Variants in DNAAF10 observed in about 807,000 individuals in gnomAD.
The protein encoded by DNAAF10 is dynein axonemal assembly factor 10.
Under a neutral mutation model 43.7 loss-of-function variants are expected in DNAAF10, and 28 were observed. The ratio of observed to expected loss-of-function variants is 0.64; its 90% confidence interval spans 0.48 to 0.88. The LOEUF is 0.88. DNAAF10 is among the 40% of genes least tolerant of loss of function. DNAAF10 has a pLI of 0.00. For missense variants in DNAAF10, 403 were observed against 439.1 expected, an observed-to-expected ratio of 0.92 and a Z score of 0.73; for synonymous variants, 156 against 157.3, an observed-to-expected ratio of 0.99 and a Z score of 0.06.
rs184822419 is a variant in DNAAF10 at position 68,135,952 on chromosome 2, C to T, written c.769-1153G>A. On this transcript the variant is annotated intron_variant, in intron 6 of 7. Transcript: ENST00000295121. ...AAACTGGGCCAGGTATAGTGGCTCA[C>T]GCCCATAATCCCAGCACTTTGGGAG... Among the ~76,000 whole-genome samples the T allele has an allele frequency of 7.9e-5, 12 of 152,136 alleles. No individual in the cohort carries two copies. The South Asian group carries it at 1.2e-3, about 16-fold the overall frequency.
intron 1 of DNAAF10, among the ~76,000 whole-genome samples, chr2:68,149,496 A>T (rs1241390351): frequency 6.6e-6 from 1 of 152,214 alleles, no homozygotes; most frequent in Non-Finnish European, 1.5e-5. Flanking sequence ...CTGCCGCAGA[A>T]AATTAATATT....
intron 2 of DNAAF10, among the ~76,000 whole-genome samples, chr2:68,147,148 T>C (rs1392660473): frequency 6.6e-6 from 1 of 152,182 alleles, no homozygotes; most frequent in East Asian, 1.9e-4. Context: ...TTTTATATAC[T>C]GTATTTTTAA....
intron 4 of DNAAF10, among the ~76,000 whole-genome samples, chr2:68,140,344 T>G (rs947494569): frequency 6.6e-6 from 1 of 152,160 alleles, no homozygotes; most frequent in Non-Finnish European, 1.5e-5. Context: ...CCTTACCATT[T>G]TCCTTTACAA....
intron 4 of DNAAF10, 21 bp downstream of exon 4, chr2:68,141,673 A>G (rs1673182397): frequency 1.2e-6 from 2 of 1,605,456 alleles, no homozygotes; most frequent in Non-Finnish European, 1.7e-6. Flanking sequence ...ATTCAAATGC[A>G]AGAATTCTTC....
chr2:68,137,032 AAT>A (rs890423067), intron 6 of DNAAF10, among the ~76,000 whole-genome samples: 6 of 152,232 alleles, frequency 3.9e-5, no homozygotes, highest in African/African-American at 1.4e-4. Flanking sequence ...TCAAATTCCT[AAT>A]ATCAGCTAGG....
intron 2 of DNAAF10, among the ~76,000 whole-genome samples, chr2:68,146,370 G>A (rs1006626560): frequency 6.6e-6 from 1 of 152,114 alleles, no homozygotes. Flanking sequence ...TACTTGAAAT[G>A]ACTGTTTTAC....
chr2:68,131,581 T>A, intron 7 of DNAAF10, 136 bp from the exon 8 acceptor site: 1 of 823,688 alleles, frequency 1.2e-6, no homozygotes, highest in Non-Finnish European at 1.9e-6. Context: ...TTTCTAATAC[T>A]GAGTTGTTTG....
At chr2:68,138,940 A>G (rs1673111056) in intron 4 of DNAAF10, 83 bp from the exon 5 acceptor site, 2 of 918,148 alleles carry the variant, frequency 2.2e-6, no homozygotes, top group Non-Finnish European at 1.7e-6. Context: ...TGAAACTAAC[A>G]TAAAACTTAT....
intron 1 of DNAAF10, among the ~76,000 whole-genome samples, chr2:68,154,914 C>T (rs1673554235): frequency 6.6e-6 from 1 of 152,122 alleles, no homozygotes. Context: ...AGGCTCGCAT[C>T]ACTATGCCCA....
intron 5 of DNAAF10, among the ~76,000 whole-genome samples, chr2:68,138,519 C>A (rs932791176): frequency 4.6e-5 from 7 of 152,156 alleles, no homozygotes; most frequent in Admixed American, 2.0e-4. Context: ...GCTGGTGACT[C>A]CCCCAACGCT....
intron 1 of DNAAF10, among the ~76,000 whole-genome samples, chr2:68,154,804 CT>C (rs1335071243): frequency 6.6e-6 from 1 of 152,166 alleles, no homozygotes; most frequent in Non-Finnish European, 1.5e-5. Flanking sequence ...CAGGGTCTCT[CT>C]GTCACCCAGG....
At chr2:68,153,853 G>A (rs1453450417) in intron 1 of DNAAF10, among the ~76,000 whole-genome samples, 1 of 145,196 alleles carries the variant, frequency 6.9e-6, no homozygotes, top group Non-Finnish European at 1.5e-5. Context: ...CCGGGTTCAA[G>A]TGATTCTCGT....
intron 1 of DNAAF10, among the ~76,000 whole-genome samples, chr2:68,151,275 T>G (rs1673451003): frequency 6.6e-6 from 1 of 152,220 alleles, no homozygotes; most frequent in Admixed American, 6.5e-5. Flanking sequence ...GCTTGCTTTT[T>G]GTTCTTCATA....
chr2:68,131,634 C>T (rs1053289591), intron 7 of DNAAF10, 189 bp from the exon 8 acceptor site: 5 of 589,396 alleles, frequency 8.5e-6, no homozygotes, highest in East Asian at 3.0e-5. Context: ...TCCCAAAACA[C>T]GTCATAAAAA....
intron 6 of DNAAF10, among the ~76,000 whole-genome samples, chr2:68,136,484 G>T (rs1475478331): frequency 6.6e-6 from 1 of 152,094 alleles, no homozygotes; most frequent in Non-Finnish European, 1.5e-5. Context: ...AAAATAGAAA[G>T]GTTCAAGAAA....
At chr2:68,142,670 A>C in intron 3 of DNAAF10, among the ~76,000 whole-genome samples, 1 of 152,182 alleles carries the variant, frequency 6.6e-6, no homozygotes, top group Non-Finnish European at 1.5e-5. Context: ...CCCTTGTTTT[A>C]ATTCATGTTA....
At chr2:68,157,210 G>C (rs774831124) in intron 1 of DNAAF10, 51 bp downstream of exon 1, 2 of 1,571,882 alleles carry the variant, frequency 1.3e-6, no homozygotes, top group South Asian at 2.4e-5. Context: ...GCAGACCCCA[G>C]GATCCGCACT....
intron 4 of DNAAF10, among the ~76,000 whole-genome samples, chr2:68,140,518 C>A (rs1475889691): frequency 6.6e-6 from 1 of 152,126 alleles, no homozygotes; most frequent in Non-Finnish European, 1.5e-5. Flanking sequence ...CTGAATCATC[C>A]ACTCTGCTCC....
intron 5 of DNAAF10, among the ~76,000 whole-genome samples, chr2:68,138,209 A>AT (rs796873099): frequency 2.9e-4 from 43 of 149,206 alleles, no homozygotes; most frequent in South Asian, 2.4e-3. Context: ...CAAAAAACCC[A>AT]TTTTTTTTTT....
Sources: gnomAD v4.1 joint callset for allele counts (sites outside exome capture counted in the v4.1 genomes callset) on GRCh38, gnomAD v4.1.1 for gene constraint, MANE v1.5 for transcripts, NCBI Gene and HGNC (gene_info 2026-07-23, HGNC 2026-07-21) for gene names.